Variants in SHOC2 observed in about 807,000 individuals in gnomAD.
The protein encoded by SHOC2 is SHOC2 leucine rich repeat scaffold protein.
SHOC2 carries 4 observed loss-of-function variants against 50.2 expected under a neutral mutation model. The ratio of observed to expected loss-of-function variants is 0.08; its 90% confidence interval spans 0.04 to 0.18. The LOEUF (loss-of-function observed/expected upper bound fraction) is 0.18, where lower values mean the gene tolerates loss of function less well. Among genes scored for constraint, SHOC2 ranks in the 10% least tolerant of loss-of-function variants. SHOC2 has a pLI of 1.00. For synonymous variants in SHOC2, 218 were observed against 244.5 expected (o/e 0.89, Z 1.01); for missense variants, 388 against 669.6 (o/e 0.58, Z 4.64).
rs1846768439 is a variant in SHOC2, at chr10:110,926,149, C to G, written c.-235+6492C>G. Among the ~76,000 whole-genome samples the G allele has an allele frequency of 2.0e-5, 3 of 152,078 alleles. No individual in the cohort carries two copies. In the South Asian group the frequency reaches 6.2e-4, roughly 32 times the overall value. On this transcript the variant is annotated intron_variant, in intron 1 of 8. Coordinates refer to ENST00000369452, the MANE Select transcript of SHOC2 (RefSeq NM_007373.4). ...GTTAGGTTCTTCTGTTTGAAGGTATCCTAGTGCTTTTACTTCCTTTTTTAT... is the reference window on the plus strand; with the variant it reads ...GTTAGGTTCTTCTGTTTGAAGGTATGCTAGTGCTTTTACTTCCTTTTTTAT...
intron 1 of SHOC2, among the ~76,000 whole-genome samples, chr10:110,940,792 G>T (rs1432660774): frequency 6.6e-6 from 1 of 151,942 alleles, no homozygotes; most frequent in African/African-American, 2.4e-5. Flanking sequence ...TGGATAATTG[G>T]TATACGTTTT....
intron 3 of SHOC2, among the ~76,000 whole-genome samples, chr10:110,997,465 C>T (rs992341851): frequency 2.6e-5 from 4 of 152,052 alleles, no homozygotes; most frequent in African/African-American, 9.7e-5. Flanking sequence ...ATTTTCTTTC[C>T]CTTTTTTTGC....
intron 1 of SHOC2, among the ~76,000 whole-genome samples, chr10:110,957,707 CAACTTT>C (rs1301906018): frequency 6.6e-6 from 1 of 152,112 alleles, no homozygotes; most frequent in Non-Finnish European, 1.5e-5. Flanking sequence ...TGAATCCCCT[CAACTTT>C]AAATTAATTT....
At position 111,013,482 on chromosome 10, in the gene SHOC2, C is replaced by T. The variant is rs1848606444; in HGVS notation, c.*1664C>T. The T allele has an allele frequency of 6.6e-6, 1 of 151,958 alleles. No individual in the cohort carries two copies. The highest frequency in any genetic ancestry group is 1.5e-5 in the Non-Finnish European group (1 of 67,962). 9.4% of individuals were successfully genotyped at this position (151,958 alleles called of 1,614,324 possible). ...TAATGAGAGATTTTATAAGGATCAA[C>T]TAAGAAATGGAAGGCAGGTGAAGAT... On this transcript the variant is annotated 3_prime_UTR_variant, in exon 9 of 9. Transcript: ENST00000369452.
intron 4 of SHOC2, among the ~76,000 whole-genome samples, chr10:111,003,640 T>C (rs1848419615): frequency 6.6e-6 from 1 of 152,048 alleles, no homozygotes; most frequent in Non-Finnish European, 1.5e-5. Flanking sequence ...TTCAAAACAG[T>C]TTATAGCCTG....
rs1848065186 is a variant in SHOC2 at position 110,985,760 on chromosome 10, C to A, written c.836C>A (p.Thr279Asn). The A allele has an allele frequency of 6.2e-7, 1 of 1,612,502 alleles. No individual in the cohort carries two copies. Among genetic ancestry groups the A allele is most frequent in the South Asian group, 1.1e-5 (1 of 91,026 alleles). ...QHNELLDLPD[T>N]IGNLSSLSRL... is the part of the protein sequence containing the mutation. Reference sequence around the variant, plus strand: ...AATGAACTGCTAGACCTCCCAGATACTATAGGTATGAGAGGAGAAAGGAGA... The same window carrying A: ...AATGAACTGCTAGACCTCCCAGATAATATAGGTATGAGAGGAGAAAGGAGA... Residue 279 changes from threonine (T) to asparagine (N), a missense_variant, in exon 3 of 9, where the codon ACT becomes AAT. Coordinates refer to ENST00000369452, the MANE Select transcript of SHOC2 (RefSeq NM_007373.4).
chr10:110,952,269 TC>T (rs1017284564), intron 1 of SHOC2, among the ~76,000 whole-genome samples: 6 of 152,202 alleles, frequency 3.9e-5, no homozygotes, highest in Non-Finnish European at 8.8e-5. Flanking sequence ...TCCCGTATAT[TC>T]CCTTTTCCAC....
intron 1 of SHOC2, among the ~76,000 whole-genome samples, chr10:110,962,969 CAG>C (rs1485229005): frequency 6.6e-6 from 1 of 152,130 alleles, no homozygotes; most frequent in African/African-American, 2.4e-5. Flanking sequence ...AGCTTGTATA[CAG>C]AGAGGTTCAC....
At chr10:110,919,728 G>T (rs1012820688) in intron 1 of SHOC2, 71 bp downstream of exon 1, 2 of 397,178 alleles carry the variant, frequency 5.0e-6, no homozygotes, top group Non-Finnish European at 8.9e-6. Flanking sequence ...TGTCCGTCGG[G>T]CAGTCGGGCT....
At chr10:110,955,237 GA>G (rs1345337225) in intron 1 of SHOC2, among the ~76,000 whole-genome samples, 1 of 152,164 alleles carries the variant, frequency 6.6e-6, no homozygotes, top group Non-Finnish European at 1.5e-5. Flanking sequence ...TGAGAGCTTG[GA>G]GTACGGTGAA....
chr10:110,959,017 A>C (rs1847523194), intron 1 of SHOC2, among the ~76,000 whole-genome samples: 1 of 152,214 alleles, frequency 6.6e-6, no homozygotes, highest in African/African-American at 2.4e-5. Context: ...AATTTCTTAA[A>C]GGAGATATAT....
At chr10:110,952,084 A>G (rs953994770) in intron 1 of SHOC2, among the ~76,000 whole-genome samples, 7 of 152,072 alleles carry the variant, frequency 4.6e-5, no homozygotes, top group African/African-American at 1.7e-4. Flanking sequence ...TCTCTTAAAT[A>G]TTGCCCTCTT....
At chr10:110,958,154 C>T (rs1303808529) in intron 1 of SHOC2, among the ~76,000 whole-genome samples, 2 of 152,108 alleles carry the variant, frequency 1.3e-5, no homozygotes, top group African/African-American at 2.4e-5. Flanking sequence ...TGACAATACC[C>T]TTTCCTAGTT....
At chr10:111,005,104 A>G (rs1848444363) in intron 5 of SHOC2, among the ~76,000 whole-genome samples, 1 of 152,134 alleles carries the variant, frequency 6.6e-6, no homozygotes, top group South Asian at 2.1e-4. Context: ...CTTGGGCAAT[A>G]TAGTGAGACC....
At chr10:110,927,652 C>T (rs71481117) in intron 1 of SHOC2, among the ~76,000 whole-genome samples, 1 of 152,136 alleles carries the variant, frequency 6.6e-6, no homozygotes, top group South Asian at 2.1e-4. Flanking sequence ...TTCCCCACCT[C>T]CTGTTATATA....
intron 1 of SHOC2, among the ~76,000 whole-genome samples, chr10:110,943,452 A>G (rs1847189720): frequency 6.6e-6 from 1 of 152,072 alleles, no homozygotes; most frequent in Non-Finnish European, 1.5e-5. Flanking sequence ...GATATTCCCT[A>G]TTTGGTGAGA....
chr10:110,959,412 A>G (rs185128028), intron 1 of SHOC2, among the ~76,000 whole-genome samples: 7 of 152,366 alleles, frequency 4.6e-5, no homozygotes, highest in Admixed American at 2.0e-4. Context: ...GTTGTACAGT[A>G]TGCAAGGATA....
intron 1 of SHOC2, among the ~76,000 whole-genome samples, chr10:110,942,243 T>A (rs1241204981): frequency 6.6e-6 from 1 of 152,256 alleles, no homozygotes; most frequent in Admixed American, 6.5e-5. Flanking sequence ...GGTCTTTAAA[T>A]ATTGGGTTGC....
intron 2 of SHOC2, among the ~76,000 whole-genome samples, chr10:110,979,078 C>A (rs1264231734): frequency 6.6e-6 from 1 of 152,156 alleles, no homozygotes; most frequent in East Asian, 1.9e-4. Flanking sequence ...GATTTAGTGT[C>A]TCTCACAAGG....
Sources: gnomAD v4.1 joint callset for allele counts (sites outside exome capture counted in the v4.1 genomes callset) on GRCh38, gnomAD v4.1.1 for gene constraint, MANE v1.5 for transcripts, NCBI Gene and HGNC (gene_info 2026-07-23, HGNC 2026-07-21) for gene names.